Variants in MCPH1 observed in about 807,000 individuals in gnomAD.
MCPH1 encodes microcephalin.
Under a neutral mutation model 84.5 loss-of-function variants are expected in MCPH1, and 104 were observed. The observed-to-expected ratio is 1.23, with a 90% CI of 1.05 to 1.45. MCPH1 has a LOEUF of 1.45. Among genes scored for constraint, MCPH1 ranks in the 40% most tolerant of loss-of-function variants. MCPH1 has a pLI of 0.00. For missense variants in MCPH1, 1,498 were observed against 1,005.7 expected (o/e 1.49, Z -6.62); for synonymous variants, 514 against 366.8 (o/e 1.40, Z -4.58).
At position 6,424,515 on chromosome 8, in the gene MCPH1, C is replaced by T. The variant is rs116052737; in HGVS notation, c.234-6984C>T. Among the ~76,000 whole-genome samples, 675 of 152,322 alleles carry T rather than the reference C, an allele frequency of 4.4e-3. 6 individuals carry two copies. Among genetic ancestry groups the T allele is most frequent in the African/African-American group, 0.016 (645 of 41,572 alleles). On this transcript the variant is annotated intron_variant, in intron 3 of 13. Coordinates refer to ENST00000344683, the MANE Select transcript of MCPH1 (RefSeq NM_024596.5). Reference sequence around the variant, plus strand: ...CCTACCAGCAGCCAGCTCCACTTCCCGCCTCCTCAGCCTTCTCACCCTGCA... The same window carrying T: ...CCTACCAGCAGCCAGCTCCACTTCCTGCCTCCTCAGCCTTCTCACCCTGCA...
rs762793644 is a variant in MCPH1, at chr8:6,644,645, C to G, written c.*1596C>G. The G allele has an allele frequency of 9.2e-5, 14 of 152,162 alleles. No individual in the cohort carries two copies. The highest frequency in any genetic ancestry group is 1.9e-4 in the East Asian group (1 of 5,186). The allele number at this position is 152,162 out of a possible 1,614,324, so 9.4% of individuals were successfully genotyped here. A position where few individuals can be genotyped will look rare whatever the true frequency, so the allele number is the denominator to read the frequency against. ...GTATAACCAAGGAGGCAAAGGATCT[C>G]TACAAGGAGAACCATAAACGAGATG... On this transcript the variant is annotated 3_prime_UTR_variant, in exon 14 of 14. Transcript: ENST00000344683.
chr8:6,601,761 A>G lies in MCPH1; in HGVS notation c.2215-19693A>G, dbSNP rs1414392770. On this transcript the variant is annotated intron_variant, in intron 12 of 13. Coordinates refer to ENST00000344683, the MANE Select transcript of MCPH1 (RefSeq NM_024596.5). ...CCACATATACCCACACCACACACAC[A>G]CACACACCCAATCACGTACCACATA... 2.6e-5 allele frequency among the ~76,000 whole-genome samples: 4 copies of G among 151,602 alleles called. 1 individual carries two copies. The highest frequency in any genetic ancestry group is 4.8e-5 in the African/African-American group (2 of 41,268).
At chr8:6,501,917 C>T (rs757621488) in intron 12 of MCPH1, 2 of 141,362 alleles carry the variant, frequency 1.4e-5, no homozygotes, top group African/African-American at 5.1e-5. Flanking sequence ...TTTGTTTTTG[C>T]ACTTTGAAAC....
At chr8:6,519,035 G>A (rs1816818924) in intron 12 of MCPH1, among the ~76,000 whole-genome samples, 1 of 152,122 alleles carries the variant, frequency 6.6e-6, no homozygotes, top group African/African-American at 2.4e-5. Context: ...TGCCTGCTGT[G>A]AGTACTGACT....
chr8:6,484,544 C>T (rs1586046084), intron 11 of MCPH1, among the ~76,000 whole-genome samples: 1 of 152,240 alleles, frequency 6.6e-6, no homozygotes, highest in African/African-American at 2.4e-5. Context: ...GAAATGAAAG[C>T]TTGTGTTCAC....
intron 7 of MCPH1, 88 bp from the exon 8 acceptor site, chr8:6,444,305 T>C: frequency 6.7e-7 from 1 of 1,495,738 alleles, no homozygotes; most frequent in Non-Finnish European, 9.2e-7. Flanking sequence ...AGCTGTACTT[T>C]AAAAGTTGTT....
intron 11 of MCPH1, among the ~76,000 whole-genome samples, chr8:6,481,869 G>A (rs999652421): frequency 6.6e-6 from 1 of 152,198 alleles, no homozygotes; most frequent in Non-Finnish European, 1.5e-5. Flanking sequence ...CCAGGGTTTT[G>A]TTTTGTGTAG....
At chr8:6,566,028 A>G (rs1296954881) in intron 12 of MCPH1, among the ~76,000 whole-genome samples, 4 of 152,206 alleles carry the variant, frequency 2.6e-5, no homozygotes, top group Admixed American at 6.5e-5. Context: ...TCTGCAGGCT[A>G]TACGGCCACC....
chr8:6,564,314 T>G (rs2129576034), intron 12 of MCPH1, among the ~76,000 whole-genome samples: 1 of 152,294 alleles, frequency 6.6e-6, no homozygotes, highest in Non-Finnish European at 1.5e-5. Flanking sequence ...TGTTGACATC[T>G]CAGCATTTTG....
At chr8:6,437,371 T>C (rs1195989203) in intron 5 of MCPH1, among the ~76,000 whole-genome samples, 1 of 152,004 alleles carries the variant, frequency 6.6e-6, no homozygotes, top group Non-Finnish European at 1.5e-5. Flanking sequence ...GCTGGGATTA[T>C]AGGGGCGTAC....
At chr8:6,550,457 C>A (rs1239882322) in intron 12 of MCPH1, among the ~76,000 whole-genome samples, 1 of 152,218 alleles carries the variant, frequency 6.6e-6, no homozygotes, top group African/African-American at 2.4e-5. Flanking sequence ...CAGCATCCAG[C>A]GCGTCCTCAC....
In MCPH1 at chr8:6,538,750, T is replaced by C. The variant is rs538467285; in HGVS notation, c.2214+38821T>C. On this transcript the variant is annotated intron_variant, in intron 12 of 13. Coordinates refer to ENST00000344683, the MANE Select transcript of MCPH1 (RefSeq NM_024596.5). ...ATTTTAAATCTCCACAGACAATAGGTTAATGTTCTTGCTTGCTTGGTGAAG... is the reference window on the plus strand; with the variant it reads ...ATTTTAAATCTCCACAGACAATAGGCTAATGTTCTTGCTTGCTTGGTGAAG... Among the ~76,000 whole-genome samples, 6 of 152,342 alleles carry C rather than the reference T, an allele frequency of 3.9e-5. No individual in the cohort carries two copies. The South Asian group carries it at 1.2e-3, about 32-fold the overall frequency.
chr8:6,510,659 A>G (rs1250082115), intron 12 of MCPH1, among the ~76,000 whole-genome samples: 1 of 152,190 alleles, frequency 6.6e-6, no homozygotes, highest in Non-Finnish European at 1.5e-5. Context: ...CTCTTAAGTC[A>G]TGGAGGTAGG....
At position 6,644,528 on chromosome 8, in the gene MCPH1, G is replaced by C. The variant is rs1042234414; in HGVS notation, c.*1479G>C. 2.0e-5 allele frequency: 3 copies of C among 152,134 alleles called. No homozygotes were observed. The highest frequency in any genetic ancestry group is 1.9e-4 in the East Asian group (1 of 5,184). 9.4% of individuals were successfully genotyped at this position (152,134 alleles called of 1,614,324 possible). On this transcript the variant is annotated 3_prime_UTR_variant, in exon 14 of 14. Transcript: ENST00000344683. Reference sequence around the variant, plus strand: ...ATAGTAAATCCATGTACAAAAATCAGCATTTCCAAACACAGTAACATTCAA... The same window carrying C: ...ATAGTAAATCCATGTACAAAAATCACCATTTCCAAACACAGTAACATTCAA...
In MCPH1 at chr8:6,532,473, G is replaced by A. The variant is rs760728966; in HGVS notation, c.2214+32544G>A. The A allele has an allele frequency of 6.8e-6, 11 of 1,611,474 alleles. No individual in the cohort carries two copies. The East Asian group carries it at 2.0e-4, about 29-fold the overall frequency. On this transcript the variant is annotated intron_variant, in intron 12 of 13. Transcript: ENST00000344683. ...CCATTTCTTTCTTCATGTTGTCCTGGATATAATTCTCAAGCTAGAAAAGAA... is the reference window on the plus strand; with the variant it reads ...CCATTTCTTTCTTCATGTTGTCCTGAATATAATTCTCAAGCTAGAAAAGAA...
intron 3 of MCPH1, among the ~76,000 whole-genome samples, chr8:6,424,784 G>C (rs980178099): frequency 6.6e-6 from 1 of 152,158 alleles, no homozygotes; most frequent in African/African-American, 2.4e-5. Context: ...ACAGAAGTTC[G>C]CTCTCTGCTG....
chr8:6,622,060 C>A, intron 13 of MCPH1: 1 of 365,624 alleles, frequency 2.7e-6, no homozygotes, highest in Non-Finnish European at 5.5e-6. Flanking sequence ...TTCAGGAGTC[C>A]CTGGCAGCGC....
chr8:6,637,658 G>T (rs1047923203), intron 13 of MCPH1, among the ~76,000 whole-genome samples: 1 of 152,152 alleles, frequency 6.6e-6, no homozygotes, highest in Non-Finnish European at 1.5e-5. Flanking sequence ...CTCTGTTTGT[G>T]TTTATTTTTG....
At chr8:6,416,476 G>T (rs563454052) in intron 3 of MCPH1, among the ~76,000 whole-genome samples, 1 of 152,176 alleles carries the variant, frequency 6.6e-6, no homozygotes, top group African/African-American at 2.4e-5. Flanking sequence ...GGCTGAGGAC[G>T]TTCCCATTCC....
Sources: gnomAD v4.1 joint callset for allele counts (sites outside exome capture counted in the v4.1 genomes callset) on GRCh38, gnomAD v4.1.1 for gene constraint, MANE v1.5 for transcripts, NCBI Gene and HGNC (gene_info 2026-07-23, HGNC 2026-07-21) for gene names.